The following DST variants were observed in gnomAD, a reference collection of about 807,000 sequenced individuals.
DST encodes dystonin.
A neutral mutation model predicts 875.2 loss-of-function variants in DST; 253 were observed. The observed-to-expected ratio is 0.29, with a 90% CI of 0.26 to 0.32. The LOEUF is 0.32. Ranked by LOEUF, DST falls within the 10% of genes least tolerant of loss-of-function variation. DST has a pLI of 1.00. For synonymous variants in DST, 3,124 were observed against 3,197.1 expected (o/e 0.98, Z 0.77); for missense variants, 8,287 against 9,111.6 (o/e 0.91, Z 3.68).
intron 8 of DST, 116 bp downstream of exon 8, chr6:56,701,772 A>G (rs2099308925): frequency 1.6e-6 from 1 of 625,704 alleles, no homozygotes; most frequent in South Asian, 2.3e-5. Flanking sequence ...CCAAAGCACA[A>G]GCTTACTGGT....
intron 9 of DST, among the ~76,000 whole-genome samples, chr6:56,688,097 C>T (rs1264720755): frequency 6.6e-6 from 1 of 152,118 alleles, no homozygotes; most frequent in Admixed American, 6.5e-5. Flanking sequence ...GATAGGGACC[C>T]AAATTCTATA....
intron 61 of DST, among the ~76,000 whole-genome samples, chr6:56,550,478 A>G (rs1486873100): frequency 6.6e-6 from 1 of 152,208 alleles, no homozygotes; most frequent in Non-Finnish European, 1.5e-5. Context: ...GCAGTTTGCA[A>G]AACACTTTCA....
chr6:56,826,737 A>T (rs1372700721), intron 4 of DST, among the ~76,000 whole-genome samples: 1 of 152,240 alleles, frequency 6.6e-6, no homozygotes, highest in African/African-American at 2.4e-5. Context: ...ATTCCTGGTC[A>T]TTCAGGATGT....
At chr6:56,953,124 T>TA (rs1471058170) in intron 2 of DST, among the ~76,000 whole-genome samples, 2 of 152,192 alleles carry the variant, frequency 1.3e-5, no homozygotes, top group African/African-American at 4.8e-5. Flanking sequence ...TATCTTAGGA[T>TA]AAGTGGAGGT....
At chr6:56,707,115 C>T (rs928751044) in intron 5 of DST, among the ~76,000 whole-genome samples, 1 of 152,196 alleles carries the variant, frequency 6.6e-6, no homozygotes, top group East Asian at 1.9e-4. Context: ...GCCCAATGCT[C>T]GCCTCCTACT....
chr6:56,693,390 A>G, intron 9 of DST: 2 of 1,120,464 alleles, frequency 1.8e-6, no homozygotes, highest in Non-Finnish European at 2.2e-6. Context: ...CTGGCCACCA[A>G]TCCTCTTAGA....
chr6:56,828,519 A>T (rs1207603819), intron 4 of DST, among the ~76,000 whole-genome samples: 1 of 152,144 alleles, frequency 6.6e-6, no homozygotes, highest in Non-Finnish European at 1.5e-5. Flanking sequence ...TTTTCCACTC[A>T]TTTCTTCTAG....
At chr6:56,940,294 A>T (rs561594038) in intron 2 of DST, among the ~76,000 whole-genome samples, 1 of 151,860 alleles carries the variant, frequency 6.6e-6, no homozygotes, top group East Asian at 1.9e-4. Context: ...GATATATATA[A>T]AAATATGTAC....
intron 64 of DST, among the ~76,000 whole-genome samples, chr6:56,531,000 A>C (rs1297859503): frequency 1.3e-5 from 2 of 152,228 alleles, no homozygotes. Flanking sequence ...GAAGAAGGGA[A>C]TTACAGAAAA....
At chr6:56,651,443 G>A (rs2098975233) in intron 10 of DST, among the ~76,000 whole-genome samples, 199 bp from the exon 11 acceptor site, 2 of 152,236 alleles carry the variant, frequency 1.3e-5, no homozygotes, top group African/African-American at 4.8e-5. Context: ...ATATAACAAT[G>A]AAAATATAAC....
chr6:56,474,088 G>T, intron 92 of DST, 86 bp from the exon 93 acceptor site: 1 of 1,143,358 alleles, frequency 8.7e-7, no homozygotes, highest in Non-Finnish European at 1.2e-6. Flanking sequence ...AAGGATAAAA[G>T]AACCATGTTA....
rs755500092 is a variant in DST at position 56,553,420 on chromosome 6, C to T, written c.15372G>A (p.Leu5124=). Residue 5124 remains leucine (L), a synonymous_variant, in exon 61 of 104, where the codon CTG becomes CTA. Coordinates refer to ENST00000680361, the MANE Select transcript of DST (RefSeq NM_001374736.1). ...TCTCAGACCCTTGTGTTTTTAATAA[C>T]AGATTTTCACCTTCTGCAATGGTTT... ...YEKTIAEGEN[L]LLKTQGSEKA... The T allele has an allele frequency of 1.2e-6, 2 of 1,600,660 alleles. No homozygotes were observed. Among genetic ancestry groups the T allele is most frequent in the African/African-American group, 1.4e-5 (1 of 73,902 alleles).
At chr6:56,709,098 C>T (rs1223779715) in intron 5 of DST, among the ~76,000 whole-genome samples, 2 of 152,168 alleles carry the variant, frequency 1.3e-5, no homozygotes, top group African/African-American at 2.4e-5. Context: ...AATTACATAA[C>T]AAGGCTGATA....
chr6:56,532,118 C>T (rs1584248013), intron 64 of DST, among the ~76,000 whole-genome samples: 1 of 152,174 alleles, frequency 6.6e-6, no homozygotes, highest in Non-Finnish European at 1.5e-5. Context: ...ATGAAGTAAT[C>T]ACTCCCAAGG....
chr6:56,515,592 C>T lies in DST; in HGVS notation c.18434G>A (p.Arg6145Gln), dbSNP rs1467598446. 4 of 1,613,782 alleles carry T rather than the reference C, an allele frequency of 2.5e-6. No individual in the cohort carries two copies. Among genetic ancestry groups the T allele is most frequent in the African/African-American group, 1.3e-5 (1 of 75,012 alleles). ...INSERYLQLE[R>Q]AQSLVNQFWE... ...GAATTGGTTAACCAGGGACTGTGCC[C>T]GTTCCAGCTGCAGATACCTTTCTGA... The change falls in exon 72 of 104, where the codon CGG becomes CAG. Residue 6145 changes from arginine to glutamine, a missense_variant. Around this residue, in one of 10 missense-constraint regions of DST, gnomAD observed 1,292 missense variants for 1,552.7 expected, o/e 0.83. Transcript: ENST00000680361.
chr6:56,916,753 A>G (rs796136080), intron 2 of DST, among the ~76,000 whole-genome samples: 3 of 95,418 alleles, frequency 3.1e-5, no homozygotes, highest in African/African-American at 4.7e-5. Flanking sequence ...CTCTCTCTCT[A>G]TCTCTCTCTC....
chr6:56,760,864 C>CA lies in DST; in HGVS notation c.626-25576dup, dbSNP rs536453043. On this transcript the variant is annotated intron_variant, in intron 4 of 103. Transcript: ENST00000680361. ...TTTTATGGATGAGACTGAGATTAAA[C>CA]AAAAAAAAGTGTAGTGAAACTGCAC... Among the ~76,000 whole-genome samples, 9 of 151,696 alleles carry CA rather than the reference C, an allele frequency of 5.9e-5. 1 individual carries two copies. The South Asian group carries it at 1.5e-3, about 25-fold the overall frequency.
At chr6:56,637,571 T>C (rs919997682) in intron 22 of DST, among the ~76,000 whole-genome samples, 1 of 152,090 alleles carries the variant, frequency 6.6e-6, no homozygotes, top group East Asian at 1.9e-4. Context: ...ACTCCCAAAT[T>C]GGTGTAATTC....
intron 4 of DST, among the ~76,000 whole-genome samples, chr6:56,844,871 C>CA (rs11389743): frequency 0.057 from 6,968 of 123,062 alleles, 489 homozygotes; most frequent in African/African-American, 0.17. Context: ...GACTCCGTCT[C>CA]AAAAAAAAAA....
Sources: gnomAD v4.1 joint callset for allele counts (sites outside exome capture counted in the v4.1 genomes callset) on GRCh38, gnomAD v4.1.1 for gene constraint, gnomAD v4.1.1 regional missense constraint, MANE v1.5 for transcripts, NCBI Gene and HGNC (gene_info 2026-07-23, HGNC 2026-07-21) for gene names.